The following PIK3CB variants were observed in gnomAD, a reference collection of about 807,000 sequenced individuals.
The protein encoded by PIK3CB is phosphatidylinositol 4,5-bisphosphate 3-kinase catalytic subunit beta isoform.
Under a neutral mutation model 136.8 loss-of-function variants are expected in PIK3CB, and 39 were observed. The observed-to-expected ratio is 0.29, with a 90% confidence interval of 0.22 to 0.37. The LOEUF is 0.37. Among genes scored for constraint, PIK3CB ranks in the 10% least tolerant of loss-of-function variants. PIK3CB has a pLI of 1.00. For synonymous variants in PIK3CB, 428 were observed against 436.6 expected (o/e 0.98, Z 0.25); for missense variants, 868 against 1,275.4 (o/e 0.68, Z 4.87).
At chr3:138,748,024 A>G (rs1387247516) in intron 4 of PIK3CB, among the ~76,000 whole-genome samples, 1 of 152,210 alleles carries the variant, frequency 6.6e-6, no homozygotes, top group Non-Finnish European at 1.5e-5. Flanking sequence ...AGGTTGGCAC[A>G]TATTTTAAAA....
In PIK3CB at chr3:138,815,368, A is replaced by AAAAAAAC. The variant is rs1553743728; in HGVS notation, c.-121-18802_-121-18801insGTTTTTT. Among the ~76,000 whole-genome samples, 312 of 105,948 alleles carry AAAAAAAC rather than the reference A, an allele frequency of 2.9e-3. 15 individuals are homozygous for AAAAAAAC. Among genetic ancestry groups the AAAAAAAC allele is most frequent in the Middle Eastern group, 8.1e-3 (1 of 124 alleles). 69.5% of individuals were successfully genotyped at this position (105,948 alleles called of 152,430 possible). A position where few individuals can be genotyped will look rare whatever the true frequency, so the allele number is the denominator to read the frequency against. On this transcript the variant is annotated intron_variant, in intron 1 of 23. Transcript: ENST00000674063. ...CCACATCCTGTCTCAAAAAAAAAAA[A>AAAAAAAC]AAAAAAACTAGTCAAAACCATAACA...
intron 14 of PIK3CB, among the ~76,000 whole-genome samples, chr3:138,693,644 C>G (rs1161390868): frequency 6.6e-6 from 1 of 151,986 alleles, no homozygotes; most frequent in Non-Finnish European, 1.5e-5. Flanking sequence ...AAGTGATCTG[C>G]CTGCCTCAGC....
At chr3:138,757,335 C>T (rs918388785) in intron 3 of PIK3CB, among the ~76,000 whole-genome samples, 2 of 151,726 alleles carry the variant, frequency 1.3e-5, no homozygotes, top group Non-Finnish European at 2.9e-5. Flanking sequence ...ACCCAGGAGG[C>T]GGAGGTTGCA....
chr3:138,693,941 A>ATATATATATATATATATATATATAT (rs1245689724), intron 14 of PIK3CB, among the ~76,000 whole-genome samples: 2 of 29,990 alleles, frequency 6.7e-5, no homozygotes, highest in Non-Finnish European at 1.0e-4. Context: ...CTTAAAATAT[A>ATATATATATATATATATATATATAT]TATATATATA....
At chr3:138,800,326 A>T (rs2046157858) in intron 1 of PIK3CB, among the ~76,000 whole-genome samples, 1 of 150,916 alleles carries the variant, frequency 6.6e-6, no homozygotes, top group Non-Finnish European at 1.5e-5. Context: ...ATAACTTTTA[A>T]CCCATGACAC....
intron 19 of PIK3CB, among the ~76,000 whole-genome samples, chr3:138,681,118 TTCCCTGCAACC>T (rs2108476800): frequency 6.6e-6 from 1 of 150,842 alleles, no homozygotes; most frequent in Non-Finnish European, 1.5e-5. Context: ...GCAATCTCTG[TTCCCTGCAACC>T]TCCACTTCCC....
At chr3:138,731,761 G>T (rs1382436812) in intron 8 of PIK3CB, among the ~76,000 whole-genome samples, 2 of 151,718 alleles carry the variant, frequency 1.3e-5, no homozygotes, top group Non-Finnish European at 2.9e-5. Flanking sequence ...ACAGCAGGCG[G>T]ATCACGAGGT....
At chr3:138,715,952 G>T (rs577051402) in intron 8 of PIK3CB, among the ~76,000 whole-genome samples, 1 of 151,874 alleles carries the variant, frequency 6.6e-6, no homozygotes, top group Non-Finnish European at 1.5e-5. Context: ...AAAAGCTAAA[G>T]AAATATTATT....
intron 2 of PIK3CB, among the ~76,000 whole-genome samples, chr3:138,759,804 G>C (rs1350478096): frequency 2.0e-5 from 3 of 152,082 alleles, no homozygotes; most frequent in Non-Finnish European, 4.4e-5. Flanking sequence ...ACTTTATTTA[G>C]AAAATATTAG....
intron 1 of PIK3CB, among the ~76,000 whole-genome samples, chr3:138,815,178 C>CAT (rs1192702391): frequency 1.2e-3 from 72 of 59,976 alleles, no homozygotes; most frequent in African/African-American, 2.0e-3. Context: ...TATATATATA[C>CAT]ATATATATAT....
At chr3:138,723,190 C>T (rs543865514) in intron 8 of PIK3CB, among the ~76,000 whole-genome samples, 1 of 152,152 alleles carries the variant, frequency 6.6e-6, no homozygotes, top group Non-Finnish European at 1.5e-5. Context: ...TGTCCCATTT[C>T]CTGAAGTTTG....
chr3:138,788,321 T>C (rs1231870485), intron 2 of PIK3CB, among the ~76,000 whole-genome samples: 1 of 152,162 alleles, frequency 6.6e-6, no homozygotes, highest in Non-Finnish European at 1.5e-5. Context: ...AAACATTCTT[T>C]TAAGGAAATA....
At position 138,813,709 on chromosome 3, in the gene PIK3CB, G is replaced by A. The variant is rs796934616; in HGVS notation, c.-121-17142C>T. On this transcript the variant is annotated intron_variant, in intron 1 of 23. Transcript: ENST00000674063. ...TGGGATTACAGGCGTGAGCCACCGCGCCCAGCCGATTAAGGGCCTACTCTA... is the reference window on the plus strand; with the variant it reads ...TGGGATTACAGGCGTGAGCCACCGCACCCAGCCGATTAAGGGCCTACTCTA... Among the ~76,000 whole-genome samples the A allele has an allele frequency of 3.4e-4, 52 of 151,652 alleles. 1 individual carries two copies. Among genetic ancestry groups the A allele is most frequent in the African/African-American group, 1.2e-3 (49 of 41,242 alleles).
intron 4 of PIK3CB, among the ~76,000 whole-genome samples, chr3:138,754,060 A>C (rs1286598999): frequency 6.6e-6 from 1 of 152,230 alleles, no homozygotes; most frequent in Non-Finnish European, 1.5e-5. Context: ...TAAGACTATA[A>C]GTGATTTTTT....
intron 13 of PIK3CB, among the ~76,000 whole-genome samples, chr3:138,697,572 A>G (rs1444356905): frequency 6.6e-6 from 1 of 152,086 alleles, no homozygotes; most frequent in Non-Finnish European, 1.5e-5. Flanking sequence ...AGTAGCTGGA[A>G]CAGGCGTGCA....
At chr3:138,768,936 T>G (rs2045767387) in intron 2 of PIK3CB, among the ~76,000 whole-genome samples, 2 of 150,524 alleles carry the variant, frequency 1.3e-5, no homozygotes, top group African/African-American at 2.4e-5. Flanking sequence ...CCCTAAGGAG[T>G]GTGGGGATGC....
intron 4 of PIK3CB, among the ~76,000 whole-genome samples, chr3:138,749,530 C>T (rs2045426434): frequency 6.6e-6 from 1 of 152,174 alleles, no homozygotes; most frequent in South Asian, 2.1e-4. Context: ...TAGTAAAGCT[C>T]TACTTTTTAC....
chr3:138,782,738 G>A (rs1415476000), intron 2 of PIK3CB, among the ~76,000 whole-genome samples: 1 of 152,140 alleles, frequency 6.6e-6, no homozygotes, highest in Non-Finnish European at 1.5e-5. Context: ...TGGTCATAGT[G>A]GAATAGAGGA....
intron 10 of PIK3CB, among the ~76,000 whole-genome samples, chr3:138,711,581 A>C (rs2044500104): frequency 5.1e-4 from 1 of 1,958 alleles, no homozygotes; most frequent in Admixed American, 0.015. Flanking sequence ...CTCCGTCGCA[A>C]AAAAAAAAAA....
Sources: gnomAD v4.1 joint callset for allele counts (sites outside exome capture counted in the v4.1 genomes callset) on GRCh38, gnomAD v4.1.1 for gene constraint, MANE v1.5 for transcripts, NCBI Gene and HGNC (gene_info 2026-07-23, HGNC 2026-07-21) for gene names.